ITPR1: variants seen among roughly 807,000 people sequenced by gnomAD.
ITPR1 encodes inositol 1,4,5-trisphosphate receptor type 1.
In ITPR1, 96 loss-of-function variants were observed where a neutral mutation model predicts 318.4. That is an observed-to-expected ratio of 0.30 (90% CI 0.26 to 0.36). The LOEUF is 0.36. Among genes scored for constraint, ITPR1 ranks in the 10% least tolerant of loss-of-function variants. ITPR1 has a pLI of 1.00. For synonymous variants in ITPR1, 1,312 were observed against 1,289.9 expected, an observed-to-expected ratio of 1.02 and a Z score of -0.37; for missense variants, 2,440 against 3,460.2, an observed-to-expected ratio of 0.71 and a Z score of 7.40.
Position 4,779,437 on chromosome 3 carries a change from A to G in ITPR1, c.6292-113A>G. On this transcript the variant is annotated intron_variant, in intron 48 of 61. Transcript: ENST00000649015. This position sits in a 1 kb window ranked among gnomAD's most constrained non-coding sequence, Gnocchi z 4.0. ...TAACCCAGAGCTTCCTCATGGGGTG[A>G]AATGTTCGTCTGTTTAGCCGGGATG... The G allele has an allele frequency of 1.4e-6, 1 of 733,140 alleles. No individual in the cohort carries two copies. The highest frequency in any genetic ancestry group is 2.5e-6 in the Non-Finnish European group (1 of 403,308). The allele number at this position is 733,140 out of a possible 1,614,324, so 45.4% of individuals were successfully genotyped here.
intron 57 of ITPR1, 138 bp from the exon 58 acceptor site, chr3:4,814,285 A>G (rs1417170575): frequency 4.1e-6 from 4 of 966,084 alleles, no homozygotes; most frequent in African/African-American, 1.6e-5. Flanking sequence ...AGAAAATAAG[A>G]AAATTCTTGG....
rs934272502 is a variant in ITPR1 at position 4,779,426 on chromosome 3, C to T, written c.6292-124C>T. The T allele has an allele frequency of 5.8e-6, 4 of 687,224 alleles. No individual in the cohort carries two copies. In the African/African-American group the frequency reaches 7.0e-5, roughly 12 times the overall value. The allele number at this position is 687,224 out of a possible 1,614,324, so 42.6% of individuals were successfully genotyped here. On this transcript the variant is annotated intron_variant, in intron 48 of 61. Transcript: ENST00000649015. This position sits in a 1 kb window ranked among gnomAD's most constrained non-coding sequence, Gnocchi z 4.0. ...TTTGATGTCCTTAACCCAGAGCTTC[C>T]TCATGGGGTGAAATGTTCGTCTGTT... is the stretch of plus-strand genomic sequence containing the variant.
At chr3:4,814,928 A>T in intron 58 of ITPR1, 125 bp from the exon 59 acceptor site, 2 of 821,510 alleles carry the variant, frequency 2.4e-6, no homozygotes, top group Non-Finnish European at 3.9e-6. Flanking sequence ...TTTTCAGTTT[A>T]AAAGTTGAAT....
intron 60 of ITPR1, among the ~76,000 whole-genome samples, chr3:4,823,597 T>TA (rs944404814): frequency 2.0e-5 from 3 of 151,260 alleles, no homozygotes; most frequent in African/African-American, 4.9e-5. Flanking sequence ...ATGTGGGGGC[T>TA]AAAAAAAACA....
At chr3:4,747,709 A>G (rs547741836) in intron 44 of ITPR1, among the ~76,000 whole-genome samples, 2 of 152,326 alleles carry the variant, frequency 1.3e-5, no homozygotes, top group African/African-American at 2.4e-5. Context: ...TGCTACATAC[A>G]TGTACTTCCA....
Position 4,653,841 on chromosome 3 carries a change from G to A in ITPR1, c.952-1G>A. 6.2e-7 allele frequency: 1 copy of A among 1,607,998 alleles called. No individual in the cohort carries two copies. On this transcript the variant is annotated splice_acceptor_variant, in intron 11 of 61. Coordinates refer to ENST00000649015, the MANE Select transcript of ITPR1 (RefSeq NM_001378452.1). LOFTEE classifies it high-confidence loss of function. ...ATTTCCTAATGATTCTTTTTCATCA[G>A]GTAGACCCTGACTTTGAGGAAGAAT...
chr3:4,710,977 C>T lies in ITPR1; in HGVS notation c.4991+504C>T, dbSNP rs1448142241. Among the ~76,000 whole-genome samples the T allele has an allele frequency of 2.6e-5, 4 of 152,036 alleles. No individual in the cohort carries two copies. The highest frequency in any genetic ancestry group is 1.9e-4 in the East Asian group (1 of 5,184). ...CTGTAATCCCAGCACTTTGGGAGGC[C>T]GGGGCTGGTGAATCACCTGAGGTCA... On this transcript the variant is annotated intron_variant, in intron 38 of 61. Transcript: ENST00000649015. The surrounding 1 kb of genome is among the most constrained non-coding windows in gnomAD (Gnocchi z 4.2).
At chr3:4,660,833 G>A (rs1417476722) in intron 13 of ITPR1, among the ~76,000 whole-genome samples, 155 bp from the exon 14 acceptor site, 1 of 152,170 alleles carries the variant, frequency 6.6e-6, no homozygotes, top group African/African-American at 2.4e-5. Context: ...ATGTGGCTTG[G>A]ACCTGGACCA....
rs75035234 is a variant in ITPR1 at position 4,496,666 on chromosome 3, G to A, written c.-17+2160G>A. Among the ~76,000 whole-genome samples the A allele has an allele frequency of 5.6e-3, 860 of 152,334 alleles. 13 individuals carry two copies. Among genetic ancestry groups the A allele is most frequent in the African/African-American group, 0.02 (832 of 41,566 alleles). On this transcript the variant is annotated intron_variant, in intron 2 of 61. Transcript: ENST00000649015. ...ATTTTTAAGTGAGGAAGATCAGGGTGTTGGTATTGCGGGGAGGGAGGAGAG... is the reference window on the plus strand; with the variant it reads ...ATTTTTAAGTGAGGAAGATCAGGGTATTGGTATTGCGGGGAGGGAGGAGAG...
chr3:4,838,856 G>A (rs951623613), intron 61 of ITPR1, among the ~76,000 whole-genome samples: 6 of 152,044 alleles, frequency 3.9e-5, no homozygotes, highest in Admixed American at 3.9e-4. Flanking sequence ...CTATTAATGG[G>A]CATTCTGTGG....
chr3:4,673,349 C>A lies in ITPR1; in HGVS notation c.2418C>A (p.Arg806=), dbSNP rs764764412. The change falls in exon 21 of 62, where the codon CGC becomes CGA. Residue 806 remains arginine, a synonymous_variant. Coordinates refer to ENST00000649015, the MANE Select transcript of ITPR1 (RefSeq NM_001378452.1). The stretch of plus-strand genomic sequence containing the variant: ...AAGTCACCCCCGTGAAATATGCCCG[C>A]CTCTGGTCGGAGATTCCCTCGGAGA... ...QEQVTPVKYA[R]LWSEIPSEIA... is the part of the protein sequence containing the mutation. 2 of 1,611,644 alleles carry A rather than the reference C, an allele frequency of 1.2e-6. No individual in the cohort carries two copies. The highest frequency in any genetic ancestry group is 1.7e-6 in the Non-Finnish European group (2 of 1,178,052).
At chr3:4,582,701 T>G (rs1337233168) in intron 4 of ITPR1, among the ~76,000 whole-genome samples, 1 of 152,232 alleles carries the variant, frequency 6.6e-6, no homozygotes, top group Non-Finnish European at 1.5e-5. Context: ...TATACATCTC[T>G]TTATGGCTGT....
chr3:4,668,271 C>T (rs1416107425), intron 18 of ITPR1, among the ~76,000 whole-genome samples: 1 of 149,150 alleles, frequency 6.7e-6, no homozygotes, highest in African/African-American at 2.5e-5. Context: ...TGCCCTCCCA[C>T]TATCTTTCCC....
chr3:4,581,420 T>A (rs561272092), intron 4 of ITPR1, among the ~76,000 whole-genome samples: 3 of 152,140 alleles, frequency 2.0e-5, no homozygotes, highest in Non-Finnish European at 4.4e-5. Context: ...ACCAGTATGG[T>A]GTATGGTGGT....
chr3:4,758,954 A>G (rs901937495), intron 44 of ITPR1, among the ~76,000 whole-genome samples: 4 of 152,256 alleles, frequency 2.6e-5, no homozygotes, highest in Non-Finnish European at 5.9e-5. Flanking sequence ...GATTACTACC[A>G]AGAGCTACTC....
intron 5 of ITPR1, among the ~76,000 whole-genome samples, chr3:4,635,809 C>G (rs192757380): frequency 2.6e-5 from 4 of 152,236 alleles, no homozygotes; most frequent in South Asian, 2.1e-4. Flanking sequence ...TGCCTTGCCT[C>G]CTGTTGAACC....
At chr3:4,840,029 CTTTTTTTTTTTTTTTTT>C (rs56096727) in intron 61 of ITPR1, among the ~76,000 whole-genome samples, 3,985 of 105,072 alleles carry the variant, frequency 0.038, 226 homozygotes, top group South Asian at 0.21. Flanking sequence ...AGCATAGCTG[CTTTTTTTTTTTTTTTTT>C]TTTTTTTTTT....
At chr3:4,588,623 A>G (rs1288312918) in intron 4 of ITPR1, among the ~76,000 whole-genome samples, 1 of 152,078 alleles carries the variant, frequency 6.6e-6, no homozygotes, top group African/African-American at 2.4e-5. Flanking sequence ...TTGAGGTTAA[A>G]TGTGCTGATG....
chr3:4,659,189 T>G (rs2093778886), intron 13 of ITPR1, among the ~76,000 whole-genome samples: 1 of 152,032 alleles, frequency 6.6e-6, no homozygotes, highest in South Asian at 2.1e-4. Context: ...GAAGTATTAG[T>G]TGTGTTTCAT....
Sources: allele counts gnomAD v4.1 joint callset (sites outside exome capture counted in the v4.1 genomes callset), GRCh38; gene constraint gnomAD v4.1.1; non-coding constraint Gnocchi (gnomAD v3.1); transcripts MANE v1.5; gene names NCBI Gene and HGNC (gene_info 2026-07-23, HGNC 2026-07-21).